The following MAGI1 variants were observed in gnomAD, a reference collection of about 807,000 sequenced individuals.
MAGI1 encodes membrane associated guanylate kinase, WW and PDZ domain containing 1, also known as membrane-associated guanylate kinase, WW and PDZ domain-containing protein 1.
In MAGI1, 58 loss-of-function variants were observed where a neutral mutation model predicts 139.9. That is an observed-to-expected ratio of 0.41 (90% confidence interval 0.34 to 0.52). MAGI1 has a LOEUF of 0.52. MAGI1 is among the 20% of genes least tolerant of loss of function. The pLI is 0.12. For synonymous variants in MAGI1, 812 were observed against 737.9 expected (o/e 1.10, Z -1.63); for missense variants, 1,874 against 1,901.6 (o/e 0.99, Z 0.27).
chr3:65,663,484 G>A (rs755451463), intron 1 of MAGI1, among the ~76,000 whole-genome samples: 12 of 152,120 alleles, frequency 7.9e-5, no homozygotes, highest in East Asian at 1.9e-4. Flanking sequence ...AAATCAGAAC[G>A]GAGAAGAGGA....
At chr3:65,649,666 C>T (rs1356586243) in intron 1 of MAGI1, among the ~76,000 whole-genome samples, 1 of 151,726 alleles carries the variant, frequency 6.6e-6, no homozygotes, top group Non-Finnish European at 1.5e-5. Context: ...AACAAATAAC[C>T]CAAGAAGAAA....
intron 1 of MAGI1, among the ~76,000 whole-genome samples, chr3:65,713,513 T>C (rs1011530683): frequency 6.6e-6 from 1 of 152,072 alleles, no homozygotes; most frequent in Non-Finnish European, 1.5e-5. Context: ...GTCTACCCTG[T>C]GGGAACTACT....
chr3:65,506,904 A>G (rs1422775045), intron 2 of MAGI1, among the ~76,000 whole-genome samples: 1 of 152,246 alleles, frequency 6.6e-6, no homozygotes, highest in South Asian at 2.1e-4. Context: ...GTTTATGCCC[A>G]TTTAACAAAT....
At chr3:65,465,410 A>T (rs74595528) in intron 5 of MAGI1, among the ~76,000 whole-genome samples, 1,988 of 150,754 alleles carry the variant, frequency 0.013, 46 homozygotes, top group African/African-American at 0.046. Context: ...TTGGCCATTT[A>T]TTGAGAGTAG....
intron 12 of MAGI1, chr3:65,401,986 C>T (rs1944936263): frequency 1.3e-6 from 1 of 769,998 alleles, no homozygotes; most frequent in Non-Finnish European, 1.6e-6. Flanking sequence ...AGAGGAAATG[C>T]TTTCTTTATT....
In MAGI1 at chr3:65,354,811, TTTC is replaced by T. The variant is rs1226398288; in HGVS notation, c.*1564_*1566del. The T allele has an allele frequency of 6.6e-6, 1 of 152,622 alleles. No homozygotes were observed. Among genetic ancestry groups the T allele is most frequent in the East Asian group, 1.9e-4 (1 of 5,206 alleles). The allele number at this position is 152,622 out of a possible 1,614,324, so 9.5% of individuals were successfully genotyped here. A position where few individuals can be genotyped will look rare whatever the true frequency, so the allele number is the denominator to read the frequency against. On this transcript the variant is annotated 3_prime_UTR_variant, in exon 23 of 23. Coordinates refer to ENST00000402939, the MANE Select transcript of MAGI1 (RefSeq NM_001033057.2). ...TACAAGAAAAAAAGGCAACAGTTGT[TTTC>T]TTTTTTTTCCCAACAGGCTCTATTA...
At chr3:65,597,946 C>T (rs1273648389) in intron 2 of MAGI1, 1 of 453,928 alleles carries the variant, frequency 2.2e-6, no homozygotes, top group African/African-American at 2.0e-5. Context: ...TGGGACCGAA[C>T]CCCTTCCTGG....
In MAGI1 at chr3:65,533,700, A is replaced by G. The variant is rs575558457; in HGVS notation, c.431-40069T>C. Among the ~76,000 whole-genome samples the G allele has an allele frequency of 9.8e-5, 15 of 152,306 alleles. No individual in the cohort carries two copies. The East Asian group carries it at 2.9e-3, about 29-fold the overall frequency. On this transcript the variant is annotated intron_variant, in intron 2 of 22. Coordinates refer to ENST00000402939, the MANE Select transcript of MAGI1 (RefSeq NM_001033057.2). Reference sequence around the variant, plus strand: ...AAGCTATATACAGAGTTCTTTTAACAAGACCAAATATTCCCCCAATGAGGC... The same window carrying G: ...AAGCTATATACAGAGTTCTTTTAACGAGACCAAATATTCCCCCAATGAGGC...
chr3:65,930,315 C>CAAAAAAAAAAAAAAAAAA (rs58258730), intron 1 of MAGI1, among the ~76,000 whole-genome samples: 9 of 87,626 alleles, frequency 1.0e-4, no homozygotes, highest in Non-Finnish European at 2.0e-4. Flanking sequence ...GACTCCGTCT[C>CAAAAAAAAAAAAAAAAAA]AAAAAAAAAA....
intron 1 of MAGI1, among the ~76,000 whole-genome samples, chr3:65,863,501 G>T (rs1188268592): frequency 1.3e-5 from 2 of 152,178 alleles, no homozygotes; most frequent in African/African-American, 2.4e-5. Context: ...GCCCAGAAAT[G>T]ACTACTTGGC....
At chr3:65,629,236 G>A (rs1163700845) in intron 1 of MAGI1, among the ~76,000 whole-genome samples, 3 of 152,150 alleles carry the variant, frequency 2.0e-5, no homozygotes, top group African/African-American at 7.2e-5. Context: ...GGTTTCCCAA[G>A]AGAACACTTT....
At chr3:65,798,847 T>G (rs1221615016) in intron 1 of MAGI1, among the ~76,000 whole-genome samples, 2 of 152,206 alleles carry the variant, frequency 1.3e-5, no homozygotes, top group Non-Finnish European at 2.9e-5. Context: ...CTCTCACCAT[T>G]CCACTGTGTC....
At chr3:65,597,925 T>TGGGGGGGGGGGGGGG in intron 2 of MAGI1, 1 of 394,350 alleles carries the variant, frequency 2.5e-6, no homozygotes, top group Non-Finnish European at 5.0e-6. Context: ...GAGGCGGGGG[T>TGGGGGGGGGGGGGGG]GGGGGGGGGG....
At chr3:65,533,704 C>T (rs1419500095) in intron 2 of MAGI1, among the ~76,000 whole-genome samples, 1 of 152,038 alleles carries the variant, frequency 6.6e-6, no homozygotes, top group Non-Finnish European at 1.5e-5. Context: ...TTTAACAAGA[C>T]CAAATATTCC....
At chr3:65,915,089 T>C (rs1163169858) in intron 1 of MAGI1, among the ~76,000 whole-genome samples, 3 of 152,174 alleles carry the variant, frequency 2.0e-5, no homozygotes, top group African/African-American at 4.8e-5. Flanking sequence ...CTTAGGCAAA[T>C]TGTGTGGTAA....
chr3:65,625,237 C>A (rs933039544), intron 1 of MAGI1, among the ~76,000 whole-genome samples: 4 of 152,104 alleles, frequency 2.6e-5, no homozygotes, highest in Non-Finnish European at 5.9e-5. Context: ...ATTCACAGAA[C>A]TGTATACATA....
At chr3:65,783,206 A>G in intron 1 of MAGI1, among the ~76,000 whole-genome samples, 1 of 152,304 alleles carries the variant, frequency 6.6e-6, no homozygotes. Context: ...AAAGAATAGG[A>G]CAAATATTTT....
chr3:65,555,701 A>T lies in MAGI1; in HGVS notation c.431-62070T>A, dbSNP rs978962088. Reference sequence around the variant, plus strand: ...TGAGACCCCGTCTCTACAAAAAAATAAAAGAAAATTGCCAGGCATAGTGAT... The same window carrying T: ...TGAGACCCCGTCTCTACAAAAAAATTAAAGAAAATTGCCAGGCATAGTGAT... On this transcript the variant is annotated intron_variant, in intron 2 of 22. Coordinates refer to ENST00000402939, the MANE Select transcript of MAGI1 (RefSeq NM_001033057.2). 3.9e-5 allele frequency among the ~76,000 whole-genome samples: 6 copies of T among 152,188 alleles called. 1 individual carries two copies. The highest frequency in any genetic ancestry group is 3.3e-4 in the Admixed American group (5 of 15,276).
intron 1 of MAGI1, among the ~76,000 whole-genome samples, chr3:65,916,255 G>A (rs1002064129): frequency 1.3e-5 from 2 of 152,120 alleles, no homozygotes; most frequent in Middle Eastern, 3.4e-3. Flanking sequence ...TTTTAGTAGA[G>A]ACGGGGTTTC....
Sources: gnomAD v4.1 joint callset for allele counts (sites outside exome capture counted in the v4.1 genomes callset) on GRCh38, gnomAD v4.1.1 for gene constraint, MANE v1.5 for transcripts, NCBI Gene and HGNC (gene_info 2026-07-23, HGNC 2026-07-21) for gene names.